MSH4: variants seen among roughly 807,000 people sequenced by gnomAD.
The protein encoded by MSH4 is mutS homolog 4.
MSH4 carries 106 observed loss-of-function variants against 113.7 expected under a neutral mutation model. The ratio of observed to expected loss-of-function variants is 0.93; its 90% CI spans 0.80 to 1.10. The LOEUF is 1.10. Ranked by LOEUF, MSH4 falls within the 50% of genes least tolerant of loss-of-function variation. The probability of loss-of-function intolerance (pLI) is 0.00; values close to 1 mark genes in which losing one functional copy is unlikely to be tolerated. For missense variants in MSH4, 1,061 were observed against 1,093.7 expected, an observed-to-expected ratio of 0.97 and a Z score of 0.42; for synonymous variants, 368 against 380.2, an observed-to-expected ratio of 0.97 and a Z score of 0.37.
chr1:75,808,577 G>C (rs924406741), intron 3 of MSH4, among the ~76,000 whole-genome samples: 3 of 152,074 alleles, frequency 2.0e-5, no homozygotes, highest in South Asian at 2.1e-4. Flanking sequence ...TGGGGTTCTG[G>C]GGATTTTTAG....
chr1:75,899,281 C>T (rs1165443898), intron 18 of MSH4, among the ~76,000 whole-genome samples: 2 of 152,036 alleles, frequency 1.3e-5, no homozygotes, highest in East Asian at 3.9e-4. Context: ...ACTCATATGC[C>T]TTTTGACCTT....
intron 8 of MSH4, among the ~76,000 whole-genome samples, chr1:75,866,745 C>G (rs1651569997): frequency 6.6e-6 from 1 of 151,912 alleles, no homozygotes; most frequent in East Asian, 1.9e-4. Flanking sequence ...CTTTGGGAGG[C>G]CGAGATGGCT....
At chr1:75,908,814 C>G (rs1652725961) in intron 19 of MSH4, among the ~76,000 whole-genome samples, 1 of 152,138 alleles carries the variant, frequency 6.6e-6, no homozygotes, top group Admixed American at 6.5e-5. Flanking sequence ...TAGATGGCAC[C>G]TTAAGCCCAG....
intron 7 of MSH4, among the ~76,000 whole-genome samples, chr1:75,829,217 G>A (rs980792777): frequency 6.6e-6 from 1 of 152,332 alleles, no homozygotes; most frequent in African/African-American, 2.4e-5. Context: ...CGAACTGCAA[G>A]GTGGCAGCGA....
At chr1:75,837,015 A>G (rs923517803) in intron 7 of MSH4, among the ~76,000 whole-genome samples, 5 of 152,136 alleles carry the variant, frequency 3.3e-5, no homozygotes, top group East Asian at 1.9e-4. Context: ...TGTGATCTAC[A>G]TGTTGTGCTT....
intron 7 of MSH4, among the ~76,000 whole-genome samples, chr1:75,834,689 C>G (rs961904331): frequency 2.0e-5 from 3 of 152,150 alleles, no homozygotes; most frequent in Non-Finnish European, 4.4e-5. Context: ...GACAGAAAAC[C>G]AAACACCGCA....
intron 19 of MSH4, among the ~76,000 whole-genome samples, chr1:75,912,066 T>C (rs1652799475): frequency 6.6e-6 from 1 of 152,136 alleles, no homozygotes; most frequent in African/African-American, 2.4e-5. Flanking sequence ...GTTTAGTTTA[T>C]TAAAAATTAA....
intron 4 of MSH4, among the ~76,000 whole-genome samples, chr1:75,814,173 C>T (rs5745368): frequency 0.041 from 6,264 of 151,524 alleles, 148 homozygotes; most frequent in African/African-American, 0.046. Context: ...CATTATCAAC[C>T]GGGTGCTGAT....
rs909352759 is a variant in MSH4, at chr1:75,803,763, GAAAACACAGTTGCATC to G, written c.281_296del (p.Asn94IlefsTer60). Reference sequence around the variant, plus strand: ...CTTTGGAAACAAAAGAGCTTATGCAGAAAACACAGTTGCATCAAATTTTACTTTTGGTGCAAGCTCA... The same window carrying G: ...CTTTGGAAACAAAAGAGCTTATGCAGAAATTTTACTTTTGGTGCAAGCTCA... On this transcript the variant is annotated frameshift_variant, in exon 2 of 20. Coordinates refer to ENST00000263187, the MANE Select transcript of MSH4 (RefSeq NM_002440.4). LOFTEE classifies it high-confidence loss of function. The G allele has an allele frequency of 6.3e-7, 1 of 1,592,026 alleles. No individual in the cohort carries two copies. The highest frequency in any genetic ancestry group is 1.4e-5 in the African/African-American group (1 of 73,596).
intron 9 of MSH4, among the ~76,000 whole-genome samples, 198 bp from the exon 10 acceptor site, chr1:75,876,738 A>G (rs1446185686): frequency 6.6e-6 from 1 of 152,046 alleles, no homozygotes; most frequent in Non-Finnish European, 1.5e-5. Context: ...CTAATTAGCC[A>G]TGTACTCTTT....
chr1:75,861,757 T>C (rs553087138), intron 8 of MSH4, among the ~76,000 whole-genome samples: 4 of 152,336 alleles, frequency 2.6e-5, no homozygotes, highest in East Asian at 3.9e-4. Flanking sequence ...CTCTCTGTTA[T>C]TGGGGCTCAA....
Position 75,822,503 on chromosome 1 carries a change from A to G in MSH4, c.1084A>G (p.Ile362Val). 1.3e-6 allele frequency: 2 copies of G among 1,586,828 alleles called. No individual in the cohort carries two copies. The highest frequency in any genetic ancestry group is 1.7e-6 in the Non-Finnish European group (2 of 1,169,490). The part of the protein sequence containing the change: ...RSNILEPLVD[I>V]ETINMRLDCV... ...TAATATATTAGAGCCTCTAGTTGATATTGAAACCATTAACATGAGATTAGA... is the reference window on the plus strand; with the variant it reads ...TAATATATTAGAGCCTCTAGTTGATGTTGAAACCATTAACATGAGATTAGA... The change falls in exon 7 of 20, where the codon ATT (isoleucine) becomes GTT (valine). Residue 362 changes from isoleucine (I) to valine (V), a missense_variant. Transcript: ENST00000263187.
intron 7 of MSH4, among the ~76,000 whole-genome samples, chr1:75,830,385 A>C (rs1488115604): frequency 1.3e-5 from 2 of 152,226 alleles, no homozygotes; most frequent in Non-Finnish European, 2.9e-5. Context: ...ATCCAGGAGA[A>C]CTTCCCCAGC....
intron 7 of MSH4, among the ~76,000 whole-genome samples, chr1:75,828,938 C>T (rs1384111426): frequency 1.3e-5 from 2 of 152,200 alleles, no homozygotes; most frequent in African/African-American, 2.4e-5. Flanking sequence ...GGGTTCATCT[C>T]ACTGGGGCTT....
At chr1:75,817,339 A>C (rs905701795) in intron 6 of MSH4, among the ~76,000 whole-genome samples, 1 of 149,158 alleles carries the variant, frequency 6.7e-6, no homozygotes, top group East Asian at 2.0e-4. Flanking sequence ...GTTAGATACC[A>C]CTTCACATCC....
intron 3 of MSH4, among the ~76,000 whole-genome samples, 177 bp from the exon 4 acceptor site, chr1:75,810,520 G>T (rs1352145061): frequency 6.7e-6 from 1 of 150,138 alleles, no homozygotes; most frequent in African/African-American, 2.4e-5. Context: ...CTCCCAAAGT[G>T]CTGGGATTAC....
chr1:75,835,485 A>G lies in MSH4; in HGVS notation c.1163-12724A>G, dbSNP rs367812000. On this transcript the variant is annotated intron_variant, in intron 7 of 19. Transcript: ENST00000263187. ...ATGTTACATTGGTCAAGCTCCAACC[A>G]TTGATACCTTTTTAAACTTTCTGCT... Among the ~76,000 whole-genome samples the G allele has an allele frequency of 7.6e-4, 115 of 152,300 alleles. 1 individual carries two copies. The South Asian group carries it at 0.014, about 18-fold the overall frequency.
chr1:75,815,573 A>G (rs1259238635), intron 5 of MSH4, among the ~76,000 whole-genome samples: 1 of 152,226 alleles, frequency 6.6e-6, no homozygotes, highest in Non-Finnish European at 1.5e-5. Flanking sequence ...CATGAGACAG[A>G]GAATGGTATT....
chr1:75,843,159 C>G (rs1264577671), intron 7 of MSH4, among the ~76,000 whole-genome samples: 1 of 152,212 alleles, frequency 6.6e-6, no homozygotes, highest in Non-Finnish European at 1.5e-5. Flanking sequence ...GTGACCTTAC[C>G]TATCATTGGA....
Sources: allele counts gnomAD v4.1 joint callset (sites outside exome capture counted in the v4.1 genomes callset), GRCh38; gene constraint gnomAD v4.1.1; transcripts MANE v1.5; gene names NCBI Gene and HGNC (gene_info 2026-07-23, HGNC 2026-07-21).